IFFO1: variants seen among roughly 807,000 people sequenced by gnomAD.
The protein encoded by IFFO1 is intermediate filament family orphan 1, also known as non-homologous end joining factor IFFO1.
IFFO1 carries 42 observed loss-of-function variants against 59.6 expected under a neutral mutation model. That is an observed-to-expected ratio of 0.70 (90% CI 0.55 to 0.91). IFFO1 has a LOEUF of 0.91. Ranked by LOEUF, IFFO1 falls within the 40% of genes least tolerant of loss-of-function variation. IFFO1 has a pLI of 0.00. For synonymous variants in IFFO1, 336 were observed against 342.8 expected (o/e 0.98, Z 0.22); for missense variants, 711 against 793.2 (o/e 0.90, Z 1.24).
rs740852 is a variant in IFFO1 at position 6,541,160 on chromosome 12, G to A, written c.1610+352C>T. ...TTTTAAAAATTCACTTTCTTGTTGC[G>A]GTGTAACTTACACAGGGTCAAATGC... is the stretch of plus-strand genomic sequence containing the variant. On this transcript the variant is annotated intron_variant, in intron 9 of 9. Transcript: ENST00000619571. This position sits in a 1 kb window ranked among gnomAD's most constrained non-coding sequence, Gnocchi z 4.8. Among the ~76,000 whole-genome samples the A allele has an allele frequency of 0.058, 8,861 of 152,138 alleles. 352 individuals carry two copies. The highest frequency in any genetic ancestry group is 0.1 in the Middle Eastern group (30 of 294).
chr12:6,554,323 T>C (rs1947350250), intron 1 of IFFO1, among the ~76,000 whole-genome samples: 1 of 152,084 alleles, frequency 6.6e-6, no homozygotes, highest in Non-Finnish European at 1.5e-5. Flanking sequence ...AGTCACCCGC[T>C]CCCTCCTCAA....
chr12:6,550,884 A>G (rs1947203551), intron 2 of IFFO1, 57 bp downstream of exon 2: 4 of 1,606,296 alleles, frequency 2.5e-6, no homozygotes, highest in African/African-American at 1.3e-5. Flanking sequence ...CAGCAGGGTC[A>G]TGGGCAGACA....
chr12:6,553,921 C>T (rs59321364), intron 1 of IFFO1, among the ~76,000 whole-genome samples: 32,145 of 152,138 alleles, frequency 0.21, 4,623 homozygotes, highest in African/African-American at 0.41. Flanking sequence ...GGTGGGATCA[C>T]TAGTGCAGGA....
chr12:6,549,148 A>G lies in IFFO1; in HGVS notation c.1081-299T>C, dbSNP rs58849204. On this transcript the variant is annotated intron_variant, in intron 5 of 9. Coordinates refer to ENST00000619571, the MANE Select transcript of IFFO1 (RefSeq NM_001193457.2). This position sits in a 1 kb window ranked among gnomAD's most constrained non-coding sequence, Gnocchi z 5.0. Reference sequence around the variant, plus strand: ...AGATGTGCATGATGGCTCAAGAGGAAATTTTTTTCTAAAAAAAGTCTTTTT... The same window carrying G: ...AGATGTGCATGATGGCTCAAGAGGAGATTTTTTTCTAAAAAAAGTCTTTTT... 8.1e-4 allele frequency: 409 copies of G among 506,790 alleles called. 1 individual carries two copies. The highest frequency in any genetic ancestry group is 7.7e-3 in the African/African-American group (390 of 50,678). The allele number at this position is 506,790 out of a possible 1,614,324, so 31.4% of individuals were successfully genotyped here.
At chr12:6,542,065 G>A (rs904688915) in intron 8 of IFFO1, among the ~76,000 whole-genome samples, 2 of 152,158 alleles carry the variant, frequency 1.3e-5, no homozygotes, top group African/African-American at 2.4e-5. Flanking sequence ...AAGGGTTAGC[G>A]ACAGGTTTTC....
rs1947223098 is a variant in IFFO1, at chr12:6,551,329, T to C, written c.774-328A>G. On this transcript the variant is annotated intron_variant, in intron 1 of 9. Transcript: ENST00000619571. Reference sequence around the variant, plus strand: ...GCTCAGGCCCCAGCTCAGCCAGCTGTCCGGCTGGCCTCATTGCCCACCTCC... The same window carrying C: ...GCTCAGGCCCCAGCTCAGCCAGCTGCCCGGCTGGCCTCATTGCCCACCTCC... 23 of 924,478 alleles carry C rather than the reference T, an allele frequency of 2.5e-5. No homozygotes were observed. The South Asian group carries it at 3.4e-4, about 14-fold the overall frequency. The allele number at this position is 924,478 out of a possible 1,614,324, so 57.3% of individuals were successfully genotyped here.
chr12:6,555,484 G>A lies in IFFO1; in HGVS notation c.546C>T (p.Ser182=). 6.2e-7 allele frequency: 1 copy of A among 1,607,820 alleles called. No homozygotes were observed. The highest frequency in any genetic ancestry group is 8.5e-7 in the Non-Finnish European group (1 of 1,177,110). ...AGCGGGCCGACGAGGAATAGGTGGT[G>A]GAGGTGGAGGTGGAGGACGACGAGA... ...ASLSSSSTST[S]TTYSSSARFM... Residue 182 remains serine, a synonymous_variant, in exon 1 of 10, where the codon TCC becomes TCT. Transcript: ENST00000619571. The surrounding 1 kb of genome is among the most constrained non-coding windows in gnomAD (Gnocchi z 8.6).
At chr12:6,554,061 T>C (rs1295589128) in intron 1 of IFFO1, among the ~76,000 whole-genome samples, 2 of 150,362 alleles carry the variant, frequency 1.3e-5, no homozygotes, top group African/African-American at 2.5e-5. Flanking sequence ...GCTTTTTCTA[T>C]AATAAAATAT....
chr12:6,539,747 T>TACACCCGCGCACAC lies in IFFO1; in HGVS notation c.*722_*735dup, dbSNP rs1946609432. The TACACCCGCGCACAC allele has an allele frequency of 2.0e-5, 3 of 152,368 alleles. No homozygotes were observed. Among genetic ancestry groups the TACACCCGCGCACAC allele is most frequent in the South Asian group, 2.1e-4 (1 of 4,850 alleles). 9.4% of individuals were successfully genotyped at this position (152,368 alleles called of 1,614,324 possible). On this transcript the variant is annotated 3_prime_UTR_variant, in exon 10 of 10. Coordinates refer to ENST00000619571, the MANE Select transcript of IFFO1 (RefSeq NM_001193457.2). Reference sequence around the variant, plus strand: ...CTTAAACAGAGACCCTGAGCGCACATACACCCGCGCACACATGCATGGAGC... The same window carrying TACACCCGCGCACAC: ...CTTAAACAGAGACCCTGAGCGCACATACACCCGCGCACACACACCCGCGCACACATGCATGGAGC...
chr12:6,545,646 C>G (rs984157777), intron 8 of IFFO1, among the ~76,000 whole-genome samples: 1 of 149,484 alleles, frequency 6.7e-6, no homozygotes, highest in Non-Finnish European at 1.5e-5. Flanking sequence ...TGCAGTGAGC[C>G]GAGTTCAAGC....
downstream of IFFO1, chr12:6,539,436 GT>G (rs1946592091): frequency 2.0e-5 from 3 of 151,390 alleles, no homozygotes; most frequent in South Asian, 6.3e-4. Context: ...AGGCAACAGA[GT>G]ATGAGACTCC....
Position 6,540,247 on chromosome 12 carries a change from G to C in IFFO1, c.*236C>G. The stretch of plus-strand genomic sequence containing the variant: ...CAGACACCCACGCGTGAAGGCAGGA[G>C]AGCCCCAACTGTGGTGGAAATGGCC... On this transcript the variant is annotated 3_prime_UTR_variant, in exon 10 of 10. Coordinates refer to ENST00000619571, the MANE Select transcript of IFFO1 (RefSeq NM_001193457.2). 2 of 573,800 alleles carry C rather than the reference G, an allele frequency of 3.5e-6. No homozygotes were observed. The highest frequency in any genetic ancestry group is 6.2e-6 in the Non-Finnish European group (2 of 322,828). 35.5% of individuals were successfully genotyped at this position (573,800 alleles called of 1,614,324 possible).
In IFFO1 at chr12:6,551,031, T is replaced by C. The variant is rs768072966; in HGVS notation, c.774-30A>G. On this transcript the variant is annotated intron_variant, in intron 1 of 9. Coordinates refer to ENST00000619571, the MANE Select transcript of IFFO1 (RefSeq NM_001193457.2). ...CAGACATGGGAAGGGCGGAGAGAGC[T>C]TAGGTACAGAGTCCTTCCCTGCCCC... The C allele has an allele frequency of 3.4e-5, 55 of 1,611,294 alleles. No individual in the cohort carries two copies. The East Asian group carries it at 1.1e-3, about 33-fold the overall frequency.
intron 8 of IFFO1, among the ~76,000 whole-genome samples, chr12:6,542,489 G>A (rs1459464163): frequency 6.6e-6 from 1 of 152,226 alleles, no homozygotes; most frequent in African/African-American, 2.4e-5. Context: ...GAAACTTCCT[G>A]GAGATGACGT....
At chr12:6,540,683 G>GT in intron 9 of IFFO1, 95 bp from the exon 10 acceptor site, 8 of 1,101,634 alleles carry the variant, frequency 7.3e-6, no homozygotes, top group Non-Finnish European at 1.1e-5. Flanking sequence ...CTGGCAGCCC[G>GT]TGAGAAGTAC....
chr12:6,549,360 G>C lies in IFFO1; in HGVS notation c.1080+116C>G. Reference sequence around the variant, plus strand: ...GGGGAAGAGCAAGGAAAAGGGAAAGGGCAGAAAAAAATCCGTGCTCAAGAG... The same window carrying C: ...GGGGAAGAGCAAGGAAAAGGGAAAGCGCAGAAAAAAATCCGTGCTCAAGAG... On this transcript the variant is annotated intron_variant, in intron 5 of 9. Coordinates refer to ENST00000619571, the MANE Select transcript of IFFO1 (RefSeq NM_001193457.2). The surrounding 1 kb of genome is among the most constrained non-coding windows in gnomAD (Gnocchi z 5.0). The C allele has an allele frequency of 1.1e-6, 1 of 937,694 alleles. No individual in the cohort carries two copies. Among genetic ancestry groups the C allele is most frequent in the Non-Finnish European group, 1.7e-6 (1 of 586,702 alleles). 58.1% of individuals were successfully genotyped at this position (937,694 alleles called of 1,614,324 possible).
At chr12:6,554,850 C>G (rs1040081860) in intron 1 of IFFO1, among the ~76,000 whole-genome samples, 3 of 152,198 alleles carry the variant, frequency 2.0e-5, no homozygotes, top group African/African-American at 7.2e-5. Context: ...CCAGCCCCTT[C>G]CAGTTTCACT....
In IFFO1 at chr12:6,548,298, G is replaced by T. The variant is rs192356954; in HGVS notation, c.1383+127C>A. On this transcript the variant is annotated intron_variant, in intron 7 of 9. Transcript: ENST00000619571. The surrounding 1 kb of genome is among the most constrained non-coding windows in gnomAD (Gnocchi z 6.1). ...GAGAAAGAAAAGCAAAAGGATAAAG[G>T]AAGAGGGGAGACGCAGGTAGAGGAT... The T allele has an allele frequency of 8.1e-7, 1 of 1,237,560 alleles. No individual in the cohort carries two copies. 76.7% of individuals were successfully genotyped at this position (1,237,560 alleles called of 1,614,324 possible).
In IFFO1 at chr12:6,545,962, G is replaced by A. The variant is rs145633646; in HGVS notation, c.1479+2103C>T. On this transcript the variant is annotated intron_variant, in intron 8 of 9. Coordinates refer to ENST00000619571, the MANE Select transcript of IFFO1 (RefSeq NM_001193457.2). ...AAATATGCTCCCTTTAAGTGAAAAG[G>A]TAAAAGTTTTCAACTTAATAAGAAA... Among the ~76,000 whole-genome samples, 632 of 152,288 alleles carry A rather than the reference G, an allele frequency of 4.2e-3. 7 individuals are homozygous for A. The highest frequency in any genetic ancestry group is 1.8e-3 in the Non-Finnish European group (123 of 68,032).
Sources: gnomAD v4.1 joint callset for allele counts (sites outside exome capture counted in the v4.1 genomes callset) on GRCh38, gnomAD v4.1.1 for gene constraint, Gnocchi (gnomAD v3.1) non-coding constraint, MANE v1.5 for transcripts, NCBI Gene and HGNC (gene_info 2026-07-23, HGNC 2026-07-21) for gene names.